TCF20: variants seen among roughly 807,000 people sequenced by gnomAD.
TCF20 encodes the protein SPRE-binding protein.
A neutral mutation model predicts 148.6 loss-of-function variants in TCF20; 3 were observed. That is an observed-to-expected ratio of 0.02 (90% confidence interval 0.01 to 0.05). The LOEUF (loss-of-function observed/expected upper bound fraction) is 0.05. Among genes scored for constraint, TCF20 ranks in the 10% least tolerant of loss-of-function variants. The pLI, the probability that TCF20 is intolerant of heterozygous loss-of-function variation, is 1.00. For missense variants in TCF20, 2,350 were observed against 2,429.3 expected, an observed-to-expected ratio of 0.97 and a Z score of 0.69; for synonymous variants, 1,049 against 909.5, an observed-to-expected ratio of 1.15 and a Z score of -2.76.
At chr22:42,288,394 G>C (rs1927069930), upstream of TCF20, among the ~76,000 whole-genome samples, 1 of 152,020 alleles carries the variant, frequency 6.6e-6, no homozygotes. Context: ...AAATTAGCCA[G>C]GCATGGTGGC....
chr22:42,215,507 G>T (rs1311528158), intron 1 of TCF20, 166 bp from the exon 2 acceptor site: 13 of 878,458 alleles, frequency 1.5e-5, no homozygotes, highest in Non-Finnish European at 2.0e-5. Flanking sequence ...GTCTCACTCT[G>T]TCACCCAGGC....
intron 1 of TCF20, among the ~76,000 whole-genome samples, chr22:42,327,090 G>A (rs948120030): frequency 9.2e-5 from 14 of 152,248 alleles, no homozygotes; most frequent in Non-Finnish European, 1.6e-4. Context: ...CGGCAACGAT[G>A]AGGCGAGGGG....
chr22:42,272,387 G>C (rs1447067567), upstream of TCF20, among the ~76,000 whole-genome samples: 1 of 152,188 alleles, frequency 6.6e-6, no homozygotes, highest in Non-Finnish European at 1.5e-5. Flanking sequence ...TTAATTTCTT[G>C]AGAGAATTCA....
chr22:42,174,927 G>C (rs1157792947), intron 3 of TCF20, among the ~76,000 whole-genome samples: 2 of 151,894 alleles, frequency 1.3e-5, no homozygotes, highest in African/African-American at 2.4e-5. Flanking sequence ...CCCAGCTGCT[G>C]GGGCGGCTGA....
At chr22:42,194,368 G>C (rs1482138366) in intron 2 of TCF20, among the ~76,000 whole-genome samples, 2 of 152,214 alleles carry the variant, frequency 1.3e-5, no homozygotes, top group Admixed American at 1.3e-4. Context: ...AACGGTTTCT[G>C]TGGCACTGCT....
chr22:42,194,521 G>A (rs1051161750), intron 2 of TCF20, among the ~76,000 whole-genome samples: 60 of 151,904 alleles, frequency 3.9e-4, no homozygotes, highest in African/African-American at 1.4e-3. Context: ...ATGTACCCTA[G>A]TGAAGGAACA....
chr22:42,213,293 G>A lies in TCF20; in HGVS notation c.2013C>T (p.Asn671=), dbSNP rs1206956510. 1 of 1,614,202 alleles carries A rather than the reference G, an allele frequency of 6.2e-7. No homozygotes were observed. The highest frequency in any genetic ancestry group is 8.5e-7 in the Non-Finnish European group (1 of 1,180,050). The change falls in exon 2 of 6, where the codon AAC becomes AAT. Residue 671 remains asparagine, a synonymous_variant. Transcript: ENST00000677622. ...GGSKGNKNGD[N]NSNHNGEGNG... The stretch of plus-strand genomic sequence containing the variant: ...TTCCTTCTCCATTATGGTTGGAGTT[G>A]TTATCGCCATTCTTGTTTCCTTTGC...
In TCF20 at chr22:42,238,934, G is replaced by A. The variant is rs112886854; in HGVS notation, c.-36-23593C>T. Among the ~76,000 whole-genome samples, 1,259 of 150,956 alleles carry A rather than the reference G, an allele frequency of 8.3e-3. 8 individuals carry two copies. The highest frequency in any genetic ancestry group is 0.015 in the African/African-American group (629 of 41,086). ...AGATTGAGACCAACCTGGCTAACAC[G>A]GTGAAACCCTGTCTCTACTAAAAAT... On this transcript the variant is annotated intron_variant, in intron 1 of 5. Coordinates refer to ENST00000677622, the MANE Select transcript of TCF20 (RefSeq NM_001378418.1).
At chr22:42,311,692 G>A (rs1451962799) in intron 1 of TCF20, among the ~76,000 whole-genome samples, 1 of 152,164 alleles carries the variant, frequency 6.6e-6, no homozygotes, top group Non-Finnish European at 1.5e-5. Context: ...TGCAAAACGG[G>A]GATGAAAACA....
intron 2 of TCF20, among the ~76,000 whole-genome samples, chr22:42,201,904 AT>A (rs1938055198): frequency 6.6e-6 from 1 of 152,128 alleles, no homozygotes; most frequent in Non-Finnish European, 1.5e-5. Context: ...TGCAAGGTAG[AT>A]TTTAGTCCCT....
At chr22:42,232,698 G>GCGGGCACCTGTGGTCCCAGCAACC (rs1923534480) in intron 1 of TCF20, among the ~76,000 whole-genome samples, 2 of 151,716 alleles carry the variant, frequency 1.3e-5, no homozygotes, top group Non-Finnish European at 2.9e-5. Flanking sequence ...CGGCGTGGTG[G>GCGGGCACCTGTGGTCCCAGCAACC]CGGGCACCTG....
upstream of TCF20, among the ~76,000 whole-genome samples, chr22:42,275,521 G>C (rs1305401323): frequency 1.3e-5 from 2 of 152,250 alleles, no homozygotes; most frequent in African/African-American, 2.4e-5. Context: ...GGTCTCACCA[G>C]TGTGTGTCTT....
In TCF20 at chr22:42,213,116, C is replaced by T; in HGVS notation, c.2190G>A (p.Gly730=). Residue 730 remains glycine (G), a synonymous_variant, in exon 2 of 6, where the codon GGG becomes GGA. Coordinates refer to ENST00000677622, the MANE Select transcript of TCF20 (RefSeq NM_001378418.1). ...NVSGFPQYPT[G]QEKGDFTGHG... ...GGCCAGTGAAATCTCCCTTTTCTTG[C>T]CCTGTAGGATACTGAGGAAAGCCAC... The T allele has an allele frequency of 1.2e-6, 2 of 1,614,148 alleles. No individual in the cohort carries two copies. Among genetic ancestry groups the T allele is most frequent in the Non-Finnish European group, 8.5e-7 (1 of 1,180,036 alleles).
chr22:42,337,730 A>G (rs867898042), intron 1 of TCF20, among the ~76,000 whole-genome samples: 23 of 152,242 alleles, frequency 1.5e-4, no homozygotes, highest in African/African-American at 5.5e-4. Flanking sequence ...TTCCAGGGGT[A>G]GTTTCAGGCA....
chr22:42,310,473 C>T (rs1028199270), intron 1 of TCF20, among the ~76,000 whole-genome samples: 15 of 151,090 alleles, frequency 9.9e-5, no homozygotes, highest in Non-Finnish European at 1.8e-4. Context: ...AAGAGACTGT[C>T]GACAATAACA....
At chr22:42,170,601 C>T (rs1601515553) in intron 3 of TCF20, among the ~76,000 whole-genome samples, 1 of 123,576 alleles carries the variant, frequency 8.1e-6, no homozygotes, top group East Asian at 2.6e-4. Flanking sequence ...GCACTCCAGC[C>T]TGGTGACAGA....
At chr22:42,264,947 A>AT (rs1569193445) in intron 1 of TCF20, among the ~76,000 whole-genome samples, 1 of 152,256 alleles carries the variant, frequency 6.6e-6, no homozygotes, top group East Asian at 1.9e-4. Context: ...CAAATGTTCC[A>AT]ATGAATTTCT....
In TCF20 at chr22:42,257,051, T is replaced by C. The variant is rs532845342; in HGVS notation, c.-37+13288A>G. ...GGCATGTGCCTGTAGTCGCAGATAC[T>C]CAGGAGGCCGAGGAAGGAAGATCAT... is the stretch of plus-strand genomic sequence containing the variant. On this transcript the variant is annotated intron_variant, in intron 1 of 5. Coordinates refer to ENST00000677622, the MANE Select transcript of TCF20 (RefSeq NM_001378418.1). 3.0e-4 allele frequency among the ~76,000 whole-genome samples: 45 copies of C among 152,204 alleles called. No individual in the cohort carries two copies. The South Asian group carries it at 9.1e-3, about 31-fold the overall frequency.
intron 5 of TCF20, among the ~76,000 whole-genome samples, chr22:42,166,620 A>C (rs1198967323): frequency 6.6e-6 from 1 of 151,958 alleles, no homozygotes; most frequent in South Asian, 2.1e-4. Context: ...AAAAAAAAAA[A>C]AAAAAAGAGT....
Sources: gnomAD v4.1 joint callset for allele counts (sites outside exome capture counted in the v4.1 genomes callset) on GRCh38, gnomAD v4.1.1 for gene constraint, MANE v1.5 for transcripts, NCBI Gene and HGNC (gene_info 2026-07-23, HGNC 2026-07-21) for gene names.